RIN3: variants seen among roughly 807,000 people sequenced by gnomAD.
RIN3 encodes the protein Ras and Rab interactor 3, also known as RAB5 interacting protein 3.
In RIN3, 54 loss-of-function variants were observed where a neutral mutation model predicts 76.3. That is an observed-to-expected ratio of 0.71 (90% CI 0.57 to 0.89). The LOEUF (loss-of-function observed/expected upper bound fraction) is 0.89, where lower values mean the gene tolerates loss of function less well. RIN3 is among the 40% of genes least tolerant of loss of function. The pLI is 0.00. For missense variants in RIN3, 1,256 were observed against 1,322.1 expected (o/e 0.95, Z 0.78); for synonymous variants, 576 against 564.0 (o/e 1.02, Z -0.30).
Position 92,641,264 on chromosome 14 carries a change from T to C in RIN3, c.467T>C (p.Leu156Pro). The C allele has an allele frequency of 6.2e-7, 1 of 1,614,114 alleles. No homozygotes were observed. The highest frequency in any genetic ancestry group is 8.5e-7 in the Non-Finnish European group (1 of 1,179,954). The change falls in exon 5 of 10, where the codon CTA becomes CCA. Residue 156 changes from leucine (L) to proline (P), a missense_variant. Physicochemically the swap from Leu to Pro is moderately conservative, Grantham distance 98. Around this residue, in one of 3 missense-constraint regions of RIN3, gnomAD observed 610 missense variants for 626.4 expected, o/e 0.97. Coordinates refer to ENST00000216487, the MANE Select transcript of RIN3 (RefSeq NM_024832.5). ...SRDLLPFTLR[L>P]PQAILEASSF... is the part of the protein sequence containing the mutation. ...GACTTACTGCCCTTCACACTGCGGC[T>C]ACCCCAGGCCATCCTTGAGGCCAGC...
At chr14:92,674,090 G>A (rs1159015689) in intron 7 of RIN3, among the ~76,000 whole-genome samples, 2 of 152,284 alleles carry the variant, frequency 1.3e-5, no homozygotes, top group South Asian at 4.1e-4. Context: ...CTTTGCTATG[G>A]CTCTGACCAC....
At chr14:92,529,457 C>T (rs1254513967) in intron 1 of RIN3, among the ~76,000 whole-genome samples, 2 of 152,034 alleles carry the variant, frequency 1.3e-5, no homozygotes, top group East Asian at 3.9e-4. Context: ...ACTATGTTGG[C>T]CAGACTGGTC....
chr14:92,579,223 C>A (rs940043172), intron 3 of RIN3, among the ~76,000 whole-genome samples: 1 of 152,190 alleles, frequency 6.6e-6, no homozygotes, highest in African/African-American at 2.4e-5. Flanking sequence ...CCACCGTGCC[C>A]GGCCCTGAGC....
At chr14:92,535,669 CTTTTTTT>C (rs59009829) in intron 1 of RIN3, among the ~76,000 whole-genome samples, 4 of 94,088 alleles carry the variant, frequency 4.3e-5, no homozygotes, top group Admixed American at 2.2e-4. Flanking sequence ...CTGGAACAGA[CTTTTTTT>C]TTTTTTTTTT....
intron 7 of RIN3, 38 bp from the exon 8 acceptor site, chr14:92,676,437 C>G (rs1489948220): frequency 1.8e-5 from 29 of 1,608,892 alleles, no homozygotes; most frequent in Non-Finnish European, 2.5e-5. Context: ...CAAGGAGAGC[C>G]TGGAACTCAT....
At chr14:92,582,515 T>C (rs1884592306) in intron 3 of RIN3, among the ~76,000 whole-genome samples, 2 of 150,948 alleles carry the variant, frequency 1.3e-5, no homozygotes, top group Non-Finnish European at 3.0e-5. Flanking sequence ...TGGTGTGGTA[T>C]GATCTTGGCT....
intron 1 of RIN3, among the ~76,000 whole-genome samples, chr14:92,552,811 G>C (rs1401191881): frequency 1.3e-5 from 2 of 151,816 alleles, no homozygotes; most frequent in East Asian, 3.9e-4. Context: ...TCACCTATTT[G>C]CCTTGTTTAT....
At chr14:92,605,909 T>C (rs758598963) in intron 3 of RIN3, among the ~76,000 whole-genome samples, 10 of 152,200 alleles carry the variant, frequency 6.6e-5, no homozygotes, top group Non-Finnish European at 1.2e-4. Context: ...GGAATGGCCC[T>C]ATTGAATCAT....
chr14:92,627,913 A>G (rs1417902655), intron 4 of RIN3, among the ~76,000 whole-genome samples: 4 of 152,244 alleles, frequency 2.6e-5, no homozygotes, highest in Admixed American at 2.6e-4. Context: ...CGCTTCCTGC[A>G]TGCAAAGCAG....
chr14:92,565,863 A>T (rs1020156074), intron 2 of RIN3, among the ~76,000 whole-genome samples: 1 of 152,084 alleles, frequency 6.6e-6, no homozygotes, highest in African/African-American at 2.4e-5. Flanking sequence ...AAGAATGCCT[A>T]ACCTCCTGGG....
intron 2 of RIN3, among the ~76,000 whole-genome samples, chr14:92,557,988 C>T (rs1897646806): frequency 6.6e-6 from 1 of 152,238 alleles, no homozygotes; most frequent in Non-Finnish European, 1.5e-5. Context: ...GGAGAAGGTG[C>T]TGGCTCTCCA....
At chr14:92,605,681 A>G (rs939390623) in intron 3 of RIN3, among the ~76,000 whole-genome samples, 1 of 152,280 alleles carries the variant, frequency 6.6e-6, no homozygotes, top group African/African-American at 2.4e-5. Context: ...TGAATACATT[A>G]GCCTCAATCA....
intron 3 of RIN3, among the ~76,000 whole-genome samples, chr14:92,585,338 C>T (rs1884730861): frequency 6.6e-6 from 1 of 152,162 alleles, no homozygotes; most frequent in African/African-American, 2.4e-5. Flanking sequence ...AAGAGCAGAA[C>T]TCAAAGGCAT....
intron 2 of RIN3, among the ~76,000 whole-genome samples, chr14:92,571,258 G>A (rs1353983951): frequency 6.6e-6 from 1 of 152,168 alleles, no homozygotes; most frequent in East Asian, 1.9e-4. Flanking sequence ...CCCGATTTGT[G>A]AATCATTCTT....
At chr14:92,619,349 AAACCTTTTAT>A (rs1886084678) in intron 4 of RIN3, among the ~76,000 whole-genome samples, 1 of 151,928 alleles carries the variant, frequency 6.6e-6, no homozygotes, top group Non-Finnish European at 1.5e-5. Flanking sequence ...AAAGAAGTAG[AAACCTTTTAT>A]AACCTTTTAC....
chr14:92,534,434 G>A (rs550618824), intron 1 of RIN3, among the ~76,000 whole-genome samples: 2 of 151,886 alleles, frequency 1.3e-5, no homozygotes, highest in East Asian at 3.9e-4. Flanking sequence ...ACAAAAATTA[G>A]CTGGGCATGG....
chr14:92,533,508 C>CTA (rs1896928414), intron 1 of RIN3, among the ~76,000 whole-genome samples: 2 of 152,270 alleles, frequency 1.3e-5, no homozygotes, highest in South Asian at 2.1e-4. Context: ...TGGTCTCTCT[C>CTA]TATATATATG....
intron 2 of RIN3, among the ~76,000 whole-genome samples, chr14:92,558,089 C>T (rs767158638): frequency 6.6e-6 from 1 of 152,212 alleles, no homozygotes; most frequent in East Asian, 1.9e-4. Context: ...TGGCTCATGC[C>T]TATAATCCCA....
At chr14:92,617,053 C>T (rs1306138986) in intron 4 of RIN3, among the ~76,000 whole-genome samples, 3 of 152,182 alleles carry the variant, frequency 2.0e-5, no homozygotes, top group African/African-American at 7.2e-5. Context: ...GATCCCAGCA[C>T]TTTGGGAGGC....
Sources: gnomAD v4.1 joint callset for allele counts (sites outside exome capture counted in the v4.1 genomes callset) on GRCh38, gnomAD v4.1.1 for gene constraint, gnomAD v4.1.1 regional missense constraint, MANE v1.5 for transcripts, NCBI Gene and HGNC (gene_info 2026-07-23, HGNC 2026-07-21) for gene names.